Variants in BID observed in about 807,000 individuals in gnomAD.
The protein encoded by BID is BH3 interacting domain death agonist, also known as BH3-interacting domain death agonist.
BID carries 19 observed loss-of-function variants against 17.4 expected under a neutral mutation model. The observed-to-expected ratio is 1.09, with a 90% confidence interval of 0.76 to 1.60. BID has a LOEUF of 1.60. BID is among the 40% of genes most tolerant of loss of function. The probability of loss-of-function intolerance (pLI) is 0.00; values close to 1 mark genes in which losing one functional copy is unlikely to be tolerated. For missense variants in BID, 226 were observed against 256.0 expected (o/e 0.88, Z 0.80); for synonymous variants, 108 against 102.8 (o/e 1.05, Z -0.31).
chr22:17,737,396 A>G (rs1324686017), intron 5 of BID, among the ~76,000 whole-genome samples: 1 of 151,370 alleles, frequency 6.6e-6, no homozygotes, highest in African/African-American at 2.4e-5. Context: ...GCCCAGGCTA[A>G]AGTGCAGTGG....
chr22:17,773,778 T>C lies in BID; in HGVS notation c.-59+603A>G. On this transcript the variant is annotated intron_variant, in intron 1 of 5. Coordinates refer to ENST00000622694, the MANE Select transcript of BID (RefSeq NM_001196.4). The surrounding 1 kb of genome is among the most constrained non-coding windows in gnomAD (Gnocchi z 4.4). ...AGAGCTCTCCCAGGGTCCCCTGGGG[T>C]CATTCAGCCACTCAACAGTTTCCCA... 1 of 1,215,974 alleles carries C rather than the reference T, an allele frequency of 8.2e-7. No homozygotes were observed. The highest frequency in any genetic ancestry group is 1.3e-5 in the South Asian group (1 of 78,412). 75.3% of individuals were successfully genotyped at this position (1,215,974 alleles called of 1,614,324 possible). A position where few individuals can be genotyped will look rare whatever the true frequency, so the allele number is the denominator to read the frequency against.
chr22:17,747,030 G>C (rs1356703215), intron 2 of BID, among the ~76,000 whole-genome samples: 1 of 152,202 alleles, frequency 6.6e-6, no homozygotes, highest in Non-Finnish European at 1.5e-5. Flanking sequence ...AGCAGGTCAG[G>C]TTATCAAACT....
intron 1 of BID, among the ~76,000 whole-genome samples, chr22:17,758,591 C>T (rs945333390): frequency 6.6e-6 from 1 of 152,184 alleles, no homozygotes; most frequent in Non-Finnish European, 1.5e-5. Flanking sequence ...ATACAATTGA[C>T]ACACGCTACA....
At chr22:17,766,825 C>T (rs2061682487) in intron 1 of BID, among the ~76,000 whole-genome samples, 1 of 144,718 alleles carries the variant, frequency 6.9e-6, no homozygotes, top group South Asian at 2.2e-4. Flanking sequence ...CTCCTGACCT[C>T]GTGATCTGCC....
intron 2 of BID, among the ~76,000 whole-genome samples, chr22:17,749,181 C>T (rs991423345): frequency 6.6e-6 from 1 of 152,170 alleles, no homozygotes; most frequent in African/African-American, 2.4e-5. Context: ...CAGAATTCGG[C>T]AGGAGGGAGG....
chr22:17,737,971 G>T (rs757219056), intron 5 of BID, 46 bp downstream of exon 5: 1 of 1,598,588 alleles, frequency 6.3e-7, no homozygotes. Context: ...CAGAGAAAAG[G>T]GCATGGGCGG....
Position 17,750,109 on chromosome 22 carries a change from C to T in BID, c.8G>A (p.Cys3Tyr). The stretch of plus-strand genomic sequence containing the variant: ...GCAGGGGATCTGGCCTCTGACCTCA[C>T]AGTCCATGGCCTGGGCAGCGCGGCA... MD[C>Y]EVNNGSSLRD... Residue 3 changes from cysteine to tyrosine, a missense_variant, in exon 2 of 6, where the codon TGT (cysteine) becomes TAT (tyrosine). Coordinates refer to ENST00000622694, the MANE Select transcript of BID (RefSeq NM_001196.4). The T allele has an allele frequency of 6.2e-7, 1 of 1,613,126 alleles. No individual in the cohort carries two copies. Among genetic ancestry groups the T allele is most frequent in the Non-Finnish European group, 8.5e-7 (1 of 1,179,888 alleles).
chr22:17,743,863 C>G lies in BID; in HGVS notation c.163G>C (p.Asp55His), dbSNP rs1333326559. 6.2e-7 allele frequency: 1 copy of G among 1,612,992 alleles called. No individual in the cohort carries two copies. The highest frequency in any genetic ancestry group is 8.5e-7 in the Non-Finnish European group (1 of 1,179,892). ...CGGTTGCCATCAGTCTGCAGCTCAT[C>G]GTAGCCCTCCCACTGGGGAGCCAGC... Reference protein sequence around the residue: ...PVLAPQWEGYDELQTDGNRSS... With the variant: ...PVLAPQWEGYHELQTDGNRSS... Residue 55 changes from aspartate to histidine, a missense_variant, in exon 3 of 6, where the codon GAT (aspartate) becomes CAT (histidine). Coordinates refer to ENST00000622694, the MANE Select transcript of BID (RefSeq NM_001196.4).
At chr22:17,750,996 A>G (rs1232009218) in intron 1 of BID, among the ~76,000 whole-genome samples, 2 of 151,820 alleles carry the variant, frequency 1.3e-5, no homozygotes, top group African/African-American at 4.8e-5. Context: ...AGATTGCACC[A>G]CTGCACTCCA....
At chr22:17,756,697 C>T (rs431554) in intron 1 of BID, among the ~76,000 whole-genome samples, 136,839 of 151,582 alleles carry the variant, frequency 0.9, 62,038 homozygotes, top group East Asian at 1. Context: ...TGCTTCAGCC[C>T]CCCAAGCAGA....
intron 5 of BID, among the ~76,000 whole-genome samples, chr22:17,737,321 C>G (rs986060322): frequency 6.6e-6 from 1 of 152,088 alleles, no homozygotes; most frequent in East Asian, 1.9e-4. Flanking sequence ...CAGTTCCCCC[C>G]CTTTTTTGAC....
chr22:17,743,828 G>T lies in BID; in HGVS notation c.198C>A (p.His66Gln). 6.2e-7 allele frequency: 1 copy of T among 1,610,628 alleles called. No individual in the cohort carries two copies. The highest frequency in any genetic ancestry group is 8.5e-7 in the Non-Finnish European group (1 of 1,179,002). The part of the protein sequence containing the change: ...ELQTDGNRSS[H>Q]SRLGRIEADS... ...CTGCCTCTATTCTTCCCAAGCGGGA[G>T]TGGCTGCTGCGGTTGCCATCAGTCT... Residue 66 changes from histidine to glutamine, a missense_variant, in exon 3 of 6, where the codon CAC becomes CAA. Coordinates refer to ENST00000622694, the MANE Select transcript of BID (RefSeq NM_001196.4).
At chr22:17,744,110 A>T in intron 2 of BID, 97 bp from the exon 3 acceptor site, 1 of 1,133,914 alleles carries the variant, frequency 8.8e-7, no homozygotes, top group Non-Finnish European at 1.3e-6. Context: ...AGAGCCTCAC[A>T]GGTCCCAGAG....
intron 1 of BID, among the ~76,000 whole-genome samples, chr22:17,753,606 C>A (rs950000329): frequency 6.6e-6 from 1 of 152,202 alleles, no homozygotes; most frequent in Non-Finnish European, 1.5e-5. Context: ...CCTAGGAGGG[C>A]GTGGATGCAG....
intron 1 of BID, among the ~76,000 whole-genome samples, chr22:17,755,082 C>CTTTTTTTTTTTTT (rs59654004): frequency 1.0e-3 from 99 of 99,260 alleles, no homozygotes; most frequent in Non-Finnish European, 1.5e-3. Context: ...TTTTTCTTTT[C>CTTTTTTTTTTTTT]TTTTTTTTTT....
At chr22:17,762,732 C>G (rs1014240359) in intron 1 of BID, among the ~76,000 whole-genome samples, 11 of 149,708 alleles carry the variant, frequency 7.3e-5, no homozygotes, top group African/African-American at 2.8e-4. Flanking sequence ...TAAAATTTCT[C>G]AGTTTTAATT....
At chr22:17,745,379 T>G (rs1375105231) in intron 2 of BID, among the ~76,000 whole-genome samples, 7 of 152,160 alleles carry the variant, frequency 4.6e-5, no homozygotes, top group Admixed American at 2.0e-4. Flanking sequence ...GCAAATTGTT[T>G]TAATGCTTTG....
At chr22:17,763,904 T>TAA (rs3838142) in intron 1 of BID, among the ~76,000 whole-genome samples, 9 of 145,972 alleles carry the variant, frequency 6.2e-5, no homozygotes, top group Non-Finnish European at 9.1e-5. Flanking sequence ...ACTTATAATT[T>TAA]AAAAAAAAAA....
intron 2 of BID, among the ~76,000 whole-genome samples, chr22:17,748,639 G>A (rs897904817): frequency 2.2e-4 from 34 of 152,350 alleles, no homozygotes; most frequent in Admixed American, 1.0e-3. Flanking sequence ...GTGGCCCTGG[G>A]CGGGCTGCCG....
Sources: gnomAD v4.1 joint callset for allele counts (sites outside exome capture counted in the v4.1 genomes callset) on GRCh38, gnomAD v4.1.1 for gene constraint, Gnocchi (gnomAD v3.1) non-coding constraint, MANE v1.5 for transcripts, NCBI Gene and HGNC (gene_info 2026-07-23, HGNC 2026-07-21) for gene names.